Variants in DLGAP1 observed in about 807,000 individuals in gnomAD.
DLGAP1 encodes disks large-associated protein 1.
A neutral mutation model predicts 90.8 loss-of-function variants in DLGAP1; 11 were observed. That is an observed-to-expected ratio of 0.12 (90% CI 0.08 to 0.20). The LOEUF is 0.20. DLGAP1 is among the 10% of genes least tolerant of loss of function. The probability of loss-of-function intolerance (pLI) is 1.00; values close to 1 mark genes in which losing one functional copy is unlikely to be tolerated. For missense variants in DLGAP1, 1,050 were observed against 1,333.8 expected (o/e 0.79, Z 3.31); for synonymous variants, 558 against 540.7 (o/e 1.03, Z -0.44).
intron 3 of DLGAP1, among the ~76,000 whole-genome samples, chr18:3,915,891 TTAGA>T (rs2072131952): frequency 6.6e-6 from 1 of 152,196 alleles, no homozygotes; most frequent in Non-Finnish European, 1.5e-5. Context: ...GTCTTAGACC[TTAGA>T]TAGATGGTAG....
chr18:3,557,849 C>A lies in DLGAP1; in HGVS notation c.2057+9641G>T, dbSNP rs182240251. ...GGCTGAGGCAAAAGAGCTGCTTGAACCCAGGAGGCAGAGGTTGCAGTGAGC... is the reference window on the plus strand; with the variant it reads ...GGCTGAGGCAAAAGAGCTGCTTGAAACCAGGAGGCAGAGGTTGCAGTGAGC... On this transcript the variant is annotated intron_variant, in intron 9 of 12. Coordinates refer to ENST00000315677, the MANE Select transcript of DLGAP1 (RefSeq NM_004746.4). Among the ~76,000 whole-genome samples, 26 of 152,096 alleles carry A rather than the reference C, an allele frequency of 1.7e-4. No individual in the cohort carries two copies. The East Asian group carries it at 4.3e-3, about 25-fold the overall frequency.
chr18:3,812,457 C>T (rs1006149400), intron 5 of DLGAP1, among the ~76,000 whole-genome samples: 2 of 151,706 alleles, frequency 1.3e-5, no homozygotes, highest in Non-Finnish European at 2.9e-5. Context: ...CTAACTCCTA[C>T]TATCGGTGAA....
intron 4 of DLGAP1, among the ~76,000 whole-genome samples, chr18:3,860,418 C>T (rs1350689046): frequency 6.6e-6 from 1 of 152,132 alleles, no homozygotes; most frequent in East Asian, 1.9e-4. Flanking sequence ...TTTTGACAAC[C>T]CTGTATGATA....
intron 7 of DLGAP1, among the ~76,000 whole-genome samples, chr18:3,628,078 G>A (rs1281019910): frequency 6.6e-6 from 1 of 151,640 alleles, no homozygotes; most frequent in Non-Finnish European, 1.5e-5. Context: ...CTTTCACTAT[G>A]TTGGCCAGGC....
intron 2 of DLGAP1, among the ~76,000 whole-genome samples, chr18:4,150,867 T>G (rs1173879386): frequency 6.6e-6 from 1 of 152,242 alleles, no homozygotes; most frequent in African/African-American, 2.4e-5. Context: ...ACCTACCTTA[T>G]GTACAATATT....
intron 3 of DLGAP1, among the ~76,000 whole-genome samples, chr18:3,945,632 A>T (rs942791401): frequency 4.6e-5 from 7 of 152,184 alleles, no homozygotes; most frequent in Admixed American, 3.9e-4. Flanking sequence ...GCATCTTCTT[A>T]TGGGATTTTT....
chr18:3,912,863 T>G (rs552397037), intron 3 of DLGAP1, among the ~76,000 whole-genome samples: 1 of 152,158 alleles, frequency 6.6e-6, no homozygotes, highest in Non-Finnish European at 1.5e-5. Flanking sequence ...AGTCCTTTGG[T>G]GACTGTGTAG....
intron 2 of DLGAP1, among the ~76,000 whole-genome samples, chr18:4,133,973 G>C (rs2293096): frequency 0.25 from 37,021 of 149,668 alleles, 4,930 homozygotes; most frequent in East Asian, 0.3. Context: ...CAAAGATTTT[G>C]ACATTGAGAT....
intron 10 of DLGAP1, 104 bp from the exon 11 acceptor site, chr18:3,508,765 G>GGC (rs1224509847): frequency 1.9e-5 from 16 of 851,586 alleles, no homozygotes; most frequent in African/African-American, 1.8e-4. Context: ...TAGGGAAAAT[G>GGC]GCACACACAC....
At chr18:4,408,486 A>G (rs1304569565) in intron 1 of DLGAP1, among the ~76,000 whole-genome samples, 1 of 152,116 alleles carries the variant, frequency 6.6e-6, no homozygotes, top group Non-Finnish European at 1.5e-5. Context: ...CCAAAAAAGA[A>G]TATGTCAAAA....
At chr18:4,174,276 C>T (rs1163020483) in intron 1 of DLGAP1, among the ~76,000 whole-genome samples, 2 of 152,120 alleles carry the variant, frequency 1.3e-5, no homozygotes, top group African/African-American at 4.8e-5. Context: ...GGGATAACAC[C>T]TGCCCTGAGC....
intron 1 of DLGAP1, among the ~76,000 whole-genome samples, chr18:4,386,389 C>T (rs968383249): frequency 2.0e-5 from 3 of 152,196 alleles, no homozygotes; most frequent in Non-Finnish European, 2.9e-5. Flanking sequence ...CATGAACAAC[C>T]CCAAATTTTC....
chr18:4,431,731 C>T (rs938256759), intron 1 of DLGAP1, among the ~76,000 whole-genome samples: 5 of 152,158 alleles, frequency 3.3e-5, no homozygotes, highest in African/African-American at 1.2e-4. Flanking sequence ...TTCTGATTTT[C>T]ACCTTTGAGA....
At chr18:4,045,464 A>AAAAAAAAAAAAAAC (rs1456946315) in intron 2 of DLGAP1, among the ~76,000 whole-genome samples, 1 of 142,810 alleles carries the variant, frequency 7.0e-6, no homozygotes, top group African/African-American at 2.6e-5. Flanking sequence ...AAAAAAAAAA[A>AAAAAAAAAAAAAAC]AGCTTGCCCC....
intron 5 of DLGAP1, among the ~76,000 whole-genome samples, chr18:3,763,006 G>A (rs1351572403): frequency 1.3e-5 from 2 of 152,228 alleles, no homozygotes. Context: ...GGATTGCATG[G>A]TGTGATGGTT....
intron 7 of DLGAP1, among the ~76,000 whole-genome samples, chr18:3,642,159 C>A (rs923373475): frequency 3.3e-5 from 5 of 152,198 alleles, no homozygotes; most frequent in Non-Finnish European, 7.4e-5. Flanking sequence ...TAGATTGTGC[C>A]TGGAAGCATT....
rs1384259075 is a variant in DLGAP1 at position 3,664,242 on chromosome 18, ATAC to A, written c.1591+64890_1591+64892del. On this transcript the variant is annotated intron_variant, in intron 7 of 12. Coordinates refer to ENST00000315677, the MANE Select transcript of DLGAP1 (RefSeq NM_004746.4). The stretch of plus-strand genomic sequence containing the variant: ...CCCACACACACACACACACACGGAT[ATAC>A]TACTTCTCTGGAGAACTCTGACTAA... 4.1e-3 allele frequency among the ~76,000 whole-genome samples: 613 copies of A among 150,720 alleles called. 5 individuals carry two copies. Among genetic ancestry groups the A allele is most frequent in the African/African-American group, 0.015 (588 of 40,364 alleles).
At chr18:4,339,083 C>T (rs1384006433) in intron 1 of DLGAP1, among the ~76,000 whole-genome samples, 1 of 152,170 alleles carries the variant, frequency 6.6e-6, no homozygotes, top group Non-Finnish European at 1.5e-5. Context: ...CTAAAGGGTC[C>T]TGACTTTAGA....
chr18:3,951,986 G>A (rs1010063350), intron 3 of DLGAP1, among the ~76,000 whole-genome samples: 1 of 152,138 alleles, frequency 6.6e-6, no homozygotes, highest in Non-Finnish European at 1.5e-5. Context: ...CTGAGTATCA[G>A]TTTTACTGAA....
Sources: allele counts gnomAD v4.1 joint callset (sites outside exome capture counted in the v4.1 genomes callset), GRCh38; gene constraint gnomAD v4.1.1; transcripts MANE v1.5; gene names NCBI Gene and HGNC (gene_info 2026-07-23, HGNC 2026-07-21).